Variants in RESF1 observed in about 807,000 individuals in gnomAD.
RESF1 encodes gonad expressed transcript.
In RESF1, 65 loss-of-function variants were observed where a neutral mutation model predicts 134.7. That is an observed-to-expected ratio of 0.48 (90% CI 0.40 to 0.59). RESF1 has a LOEUF of 0.59. Among genes scored for constraint, RESF1 ranks in the 20% least tolerant of loss-of-function variants. The pLI, the probability that RESF1 is intolerant of heterozygous loss-of-function variation, is 0.00. For missense variants in RESF1, 2,274 were observed against 2,002.7 expected, an observed-to-expected ratio of 1.14 and a Z score of -2.59; for synonymous variants, 762 against 702.2, an observed-to-expected ratio of 1.09 and a Z score of -1.35.
chr12:31,980,845 A>T, intron 3 of RESF1, 33 bp from the exon 4 acceptor site: 1 of 826,082 alleles, frequency 1.2e-6, no homozygotes, highest in Non-Finnish European at 1.9e-6. Flanking sequence ...TAGGCAAAAC[A>T]GCATTTTAAT....
At chr12:31,975,756 C>G (rs1300101455) in intron 3 of RESF1, among the ~76,000 whole-genome samples, 1 of 152,174 alleles carries the variant, frequency 6.6e-6, no homozygotes, top group Non-Finnish European at 1.5e-5. Flanking sequence ...TAATCTCTGG[C>G]CTTTTTCACT....
chr12:31,960,145 G>C (rs1054506293), intron 1 of RESF1, among the ~76,000 whole-genome samples: 2 of 152,016 alleles, frequency 1.3e-5, no homozygotes, highest in African/African-American at 4.8e-5. Context: ...ATGCACAAAC[G>C]CATACCCATC....
chr12:31,960,526 A>G (rs1247778984), intron 1 of RESF1, among the ~76,000 whole-genome samples: 2 of 152,192 alleles, frequency 1.3e-5, no homozygotes, highest in Admixed American at 6.5e-5. Flanking sequence ...GAGATAAAGT[A>G]TTATTGTTTT....
intron 3 of RESF1, among the ~76,000 whole-genome samples, chr12:31,980,313 G>A (rs1030466037): frequency 2.6e-5 from 4 of 151,940 alleles, no homozygotes; most frequent in Non-Finnish European, 4.4e-5. Flanking sequence ...GGTTTGGCAT[G>A]TTAGCCAGGC....
chr12:31,963,062 G>C (rs1939315298), intron 2 of RESF1, among the ~76,000 whole-genome samples: 1 of 151,100 alleles, frequency 6.6e-6, no homozygotes, highest in African/African-American at 2.4e-5. Context: ...GTGAGACTCT[G>C]TCTTAGAAAA....
At chr12:31,986,746 A>G (rs976942553) in intron 4 of RESF1, among the ~76,000 whole-genome samples, 6 of 152,118 alleles carry the variant, frequency 3.9e-5, no homozygotes, top group African/African-American at 1.5e-4. Flanking sequence ...AAGGATTTGA[A>G]TGGAAATTGA....
At position 31,983,895 on chromosome 12, in the gene RESF1, G is replaced by A. The variant is rs1179466879; in HGVS notation, c.2940G>A (p.Glu980=). The change falls in exon 4 of 6, where the codon GAG becomes GAA. Residue 980 remains glutamate (E), a synonymous_variant. Transcript: ENST00000312561. ...CDQSKSEPPL[E]SSFNNLETNR... is the part of the protein sequence containing the mutation. ...AGTCAAAGTCAGAGCCACCCTTAGA[G>A]TCATCTTTTAACAATCTTGAAACAA... 2 of 1,613,718 alleles carry A rather than the reference G, an allele frequency of 1.2e-6. No homozygotes were observed. Among genetic ancestry groups the A allele is most frequent in the African/African-American group, 1.3e-5 (1 of 74,898 alleles).
At position 31,982,610 on chromosome 12, in the gene RESF1, A is replaced by G. The variant is rs757549118; in HGVS notation, c.1655A>G (p.Glu552Gly). ...TCATCAGAAAATGTTACCAAAGTTGAGCAAAATTCACCAGCAGTTTGTGAA... is the reference window on the plus strand; with the variant it reads ...TCATCAGAAAATGTTACCAAAGTTGGGCAAAATTCACCAGCAGTTTGTGAA... ...QLSSENVTKV[E>G]QNSPAVCETI... is the part of the protein sequence containing the mutation. The change falls in exon 4 of 6, where the codon GAG becomes GGG. Residue 552 changes from glutamate to glycine, a missense_variant. By Grantham distance (98) the Glu-to-Gly change is moderately conservative. Transcript: ENST00000312561. 7 of 1,613,902 alleles carry G rather than the reference A, an allele frequency of 4.3e-6. No individual in the cohort carries two copies. Among genetic ancestry groups the G allele is most frequent in the Admixed American group, 1.7e-5 (1 of 60,010 alleles).
Position 31,984,610 on chromosome 12 carries a change from G to C in RESF1, c.3655G>C (p.Glu1219Gln). 6.3e-7 allele frequency: 1 copy of C among 1,577,006 alleles called. No individual in the cohort carries two copies. Among genetic ancestry groups the C allele is most frequent in the South Asian group, 1.2e-5 (1 of 84,360 alleles). Residue 1219 changes from glutamate (E) to glutamine (Q), a missense_variant, in exon 4 of 6, where the codon GAG becomes CAG. Transcript: ENST00000312561. ...PLDTNSCKQG[E>Q]RTSDRDVTVV... Reference sequence around the variant, plus strand: ...GGATACCAACAGTTGTAAACAAGGAGAGAGAACTTCTGATAGAGATGTCAC... The same window carrying C: ...GGATACCAACAGTTGTAAACAAGGACAGAGAACTTCTGATAGAGATGTCAC...
At chr12:31,978,992 C>T (rs61931395) in intron 3 of RESF1, among the ~76,000 whole-genome samples, 10,005 of 148,422 alleles carry the variant, frequency 0.067, 473 homozygotes, top group South Asian at 0.13. Flanking sequence ...GCCATCTGGG[C>T]TCACTGCAAG....
chr12:31,959,621 G>C (rs1006820476), intron 1 of RESF1, 130 bp downstream of exon 1: 7 of 151,752 alleles, frequency 4.6e-5, no homozygotes, highest in African/African-American at 1.7e-4. Context: ...TTTGTTCTGC[G>C]GCAAAGACGC....
intron 3 of RESF1, among the ~76,000 whole-genome samples, chr12:31,978,460 T>C (rs1437022676): frequency 1.3e-5 from 2 of 152,210 alleles, no homozygotes; most frequent in Non-Finnish European, 2.9e-5. Flanking sequence ...TCCATGTTAC[T>C]ATTTAATTGT....
intron 5 of RESF1, 117 bp downstream of exon 5, chr12:31,987,439 T>C (rs1268670591): frequency 5.0e-6 from 3 of 603,022 alleles, no homozygotes; most frequent in Non-Finnish European, 8.6e-6. Context: ...TTTTTTTTTT[T>C]CAGTCATTCA....
Position 31,987,320 on chromosome 12 carries a change from G to A in RESF1, c.5084G>A (p.Arg1695Lys). Residue 1695 changes from arginine (R) to lysine (K), a missense_variant and splice_region_variant, in exon 5 of 6, where the codon AGA becomes AAA. Arg to Lys is a conservative substitution (Grantham distance 26). Coordinates refer to ENST00000312561, the MANE Select transcript of RESF1 (RefSeq NM_018169.4). ...AGGACACAGAAAGACAGCCAAGAGAGAGGTAAAGTCATCTTTTTAAATCTT... is the reference window on the plus strand; with the variant it reads ...AGGACACAGAAAGACAGCCAAGAGAAAGGTAAAGTCATCTTTTTAAATCTT... ...KKRTQKDSQE[R>K]DNVNSRLSKR... 6.3e-7 allele frequency: 1 copy of A among 1,581,782 alleles called. No homozygotes were observed. The highest frequency in any genetic ancestry group is 1.1e-5 in the South Asian group (1 of 89,812).
At chr12:31,964,468 CT>C (rs970822583) in intron 2 of RESF1, among the ~76,000 whole-genome samples, 4 of 152,094 alleles carry the variant, frequency 2.6e-5, no homozygotes, top group East Asian at 1.9e-4. Flanking sequence ...TGATCTCATT[CT>C]TTTTTTATGG....
At chr12:31,986,882 A>G (rs1939984266) in intron 4 of RESF1, among the ~76,000 whole-genome samples, 1 of 152,218 alleles carries the variant, frequency 6.6e-6, no homozygotes, top group South Asian at 2.1e-4. Context: ...TGATTTCAAT[A>G]GGTTCTTTCA....
At chr12:31,986,484 T>G (rs10771895) in intron 4 of RESF1, among the ~76,000 whole-genome samples, 118,847 of 152,130 alleles carry the variant, frequency 0.78, 46,356 homozygotes, top group South Asian at 0.83. Flanking sequence ...TATCACTATA[T>G]TTAAAATGGT....
At chr12:31,991,578 G>C (rs1332433210) in intron 5 of RESF1, among the ~76,000 whole-genome samples, 1 of 152,198 alleles carries the variant, frequency 6.6e-6, no homozygotes, top group Non-Finnish European at 1.5e-5. Flanking sequence ...TACACATTCA[G>C]TAGAAAGTGT....
At position 31,983,636 on chromosome 12, in the gene RESF1, A is replaced by G. The variant is rs370355956; in HGVS notation, c.2681A>G (p.Asn894Ser). 3 of 1,613,996 alleles carry G rather than the reference A, an allele frequency of 1.9e-6. No individual in the cohort carries two copies. Among genetic ancestry groups the G allele is most frequent in the Admixed American group, 1.7e-5 (1 of 60,004 alleles). ...AGTAGTGATACATTACAGATTGACA[A>G]TATTTGTTCTCTGGTTGAAGGTGAT... The part of the protein sequence containing the change: ...VVSSDTLQID[N>S]ICSLVEGDTS... The change falls in exon 4 of 6, where the codon AAT (asparagine) becomes AGT (serine). Residue 894 changes from asparagine (N) to serine (S), a missense_variant. Coordinates refer to ENST00000312561, the MANE Select transcript of RESF1 (RefSeq NM_018169.4).
Sources: gnomAD v4.1 joint callset for allele counts (sites outside exome capture counted in the v4.1 genomes callset) on GRCh38, gnomAD v4.1.1 for gene constraint, MANE v1.5 for transcripts, NCBI Gene and HGNC (gene_info 2026-07-23, HGNC 2026-07-21) for gene names.